Variants in ANKRD6 observed in about 807,000 individuals in gnomAD.
ANKRD6 encodes ankyrin repeat domain-containing protein 6.
ANKRD6 carries 56 observed loss-of-function variants against 82.3 expected under a neutral mutation model. The observed-to-expected ratio is 0.68, with a 90% CI of 0.55 to 0.85. ANKRD6 has a LOEUF of 0.85. Ranked by LOEUF, ANKRD6 falls within the 40% of genes least tolerant of loss-of-function variation. The pLI is 0.00. For synonymous variants in ANKRD6, 347 were observed against 352.1 expected (o/e 0.99, Z 0.16); for missense variants, 852 against 907.6 (o/e 0.94, Z 0.79).
chr6:89,516,159 G>T (rs1201397233), intron 1 of ANKRD6, among the ~76,000 whole-genome samples: 1 of 152,174 alleles, frequency 6.6e-6, no homozygotes, highest in Non-Finnish European at 1.5e-5. Flanking sequence ...GTCTGTGAGG[G>T]TGTTTCTGGA....
At chr6:89,542,625 G>T (rs1189662150) in intron 1 of ANKRD6, among the ~76,000 whole-genome samples, 1 of 152,148 alleles carries the variant, frequency 6.6e-6, no homozygotes, top group Non-Finnish European at 1.5e-5. Flanking sequence ...TATAGAAACA[G>T]CTCTCACCAA....
At chr6:89,489,442 C>T (rs1777768949) in intron 1 of ANKRD6, among the ~76,000 whole-genome samples, 1 of 152,166 alleles carries the variant, frequency 6.6e-6, no homozygotes, top group South Asian at 2.1e-4. Context: ...AGGTACAGAT[C>T]TGGCTCCCCA....
intron 1 of ANKRD6, among the ~76,000 whole-genome samples, chr6:89,554,805 G>C (rs1456920695): frequency 2.0e-5 from 3 of 152,104 alleles, no homozygotes; most frequent in Non-Finnish European, 4.4e-5. Context: ...AGTCTCTCAT[G>C]GTCCAGTGTT....
chr6:89,529,065 C>G (rs1782841988), intron 1 of ANKRD6, among the ~76,000 whole-genome samples: 1 of 152,164 alleles, frequency 6.6e-6, no homozygotes, highest in Non-Finnish European at 1.5e-5. Context: ...TTAAAGTCAC[C>G]AGCTGCATTA....
At chr6:89,595,883 G>C (rs1218022745) in intron 2 of ANKRD6, 33 bp from the exon 3 acceptor site, 7 of 1,553,270 alleles carry the variant, frequency 4.5e-6, no homozygotes, top group South Asian at 3.5e-5. Context: ...TTGAGGACTT[G>C]TTCCGAAATC....
intron 1 of ANKRD6, among the ~76,000 whole-genome samples, chr6:89,555,089 C>G (rs1009612783): frequency 9.4e-5 from 11 of 117,212 alleles, no homozygotes; most frequent in African/African-American, 3.6e-4. Context: ...TCTCCTCCCT[C>G]CCCCCTCTCT....
At position 89,470,850 on chromosome 6, in the gene ANKRD6, G is replaced by T. The variant is rs190826746; in HGVS notation, c.-144+37475G>T. On this transcript the variant is annotated intron_variant, in intron 1 of 15. Coordinates refer to ENST00000339746, the MANE Select transcript of ANKRD6 (RefSeq NM_001242809.2). ...TTCTAGGTGCTGTTAATGCCCAACT[G>T]CCCATCAAAAAGGTAATGTTGTACC... is the stretch of plus-strand genomic sequence containing the variant. Among the ~76,000 whole-genome samples the T allele has an allele frequency of 3.3e-5, 5 of 152,116 alleles. No individual in the cohort carries two copies. In the East Asian group the frequency reaches 7.7e-4, roughly 24 times the overall value.
intron 1 of ANKRD6, among the ~76,000 whole-genome samples, chr6:89,477,705 A>G (rs1485744346): frequency 1.4e-5 from 2 of 147,422 alleles, no homozygotes; most frequent in Non-Finnish European, 3.0e-5. Flanking sequence ...CGGGGGGTGG[A>G]GCTTGCAGTG....
At chr6:89,569,559 A>G (rs947578102) in intron 2 of ANKRD6, among the ~76,000 whole-genome samples, 1 of 152,200 alleles carries the variant, frequency 6.6e-6, no homozygotes, top group African/African-American at 2.4e-5. Context: ...GAAAATTTAT[A>G]TACAAGTTTT....
intron 1 of ANKRD6, among the ~76,000 whole-genome samples, chr6:89,546,416 T>A (rs895942696): frequency 6.6e-6 from 1 of 152,022 alleles, no homozygotes; most frequent in African/African-American, 2.4e-5. Context: ...AGTTGTGTGG[T>A]GGGCGGGGGG....
intron 7 of ANKRD6, 97 bp downstream of exon 7, chr6:89,613,987 G>T: frequency 7.9e-7 from 1 of 1,259,370 alleles, no homozygotes; most frequent in Non-Finnish European, 1.1e-6. Flanking sequence ...CTGCTGGGAA[G>T]CTGCCATGTC....
intron 1 of ANKRD6, among the ~76,000 whole-genome samples, chr6:89,462,239 T>TAAA (rs60355520): frequency 0.17 from 24,242 of 143,084 alleles, 2,459 homozygotes; most frequent in East Asian, 0.38. Context: ...CTCAAAATAA[T>TAAA]AATAATAATA....
intron 1 of ANKRD6, among the ~76,000 whole-genome samples, chr6:89,470,430 G>A (rs1775308312): frequency 6.6e-6 from 1 of 152,126 alleles, no homozygotes; most frequent in South Asian, 2.1e-4. Flanking sequence ...ATCAGCCTGG[G>A]CAACATAGCG....
intron 4 of ANKRD6, among the ~76,000 whole-genome samples, chr6:89,603,605 T>TC (rs1285787485): frequency 6.6e-6 from 1 of 151,202 alleles, no homozygotes; most frequent in African/African-American, 2.4e-5. Context: ...GTCGGGGGGG[T>TC]AAGGGATGTG....
intron 1 of ANKRD6, among the ~76,000 whole-genome samples, chr6:89,535,912 T>G (rs1783764810): frequency 6.6e-6 from 1 of 152,194 alleles, no homozygotes; most frequent in Non-Finnish European, 1.5e-5. Flanking sequence ...GCCAATCCCT[T>G]GGGTTGTCAG....
At chr6:89,435,913 C>T (rs1273228762) in intron 1 of ANKRD6, among the ~76,000 whole-genome samples, 2 of 152,172 alleles carry the variant, frequency 1.3e-5, no homozygotes, top group East Asian at 3.8e-4. Flanking sequence ...TTTATTTCTT[C>T]AAGGTCACAT....
At chr6:89,509,973 A>G (rs1340902136) in intron 1 of ANKRD6, among the ~76,000 whole-genome samples, 2 of 152,240 alleles carry the variant, frequency 1.3e-5, no homozygotes, top group South Asian at 2.1e-4. Context: ...TTTTCCAGGC[A>G]TGTGATGGGC....
At chr6:89,606,986 A>G (rs1366629526) in intron 5 of ANKRD6, among the ~76,000 whole-genome samples, 1 of 152,142 alleles carries the variant, frequency 6.6e-6, no homozygotes, top group Non-Finnish European at 1.5e-5. Flanking sequence ...CCTGGCCAAC[A>G]TGGTGAAACC....
intron 1 of ANKRD6, among the ~76,000 whole-genome samples, chr6:89,506,705 G>A (rs1229396618): frequency 6.6e-6 from 1 of 152,184 alleles, no homozygotes; most frequent in East Asian, 1.9e-4. Context: ...CAGTTTGCTT[G>A]CCAGCCAAAA....
Sources: allele counts gnomAD v4.1 joint callset (sites outside exome capture counted in the v4.1 genomes callset), GRCh38; gene constraint gnomAD v4.1.1; transcripts MANE v1.5; gene names NCBI Gene and HGNC (gene_info 2026-07-23, HGNC 2026-07-21).